Variants in FSTL5 observed in about 807,000 individuals in gnomAD.
The protein encoded by FSTL5 is follistatin-related protein 5.
A neutral mutation model predicts 89.1 loss-of-function variants in FSTL5; 62 were observed. The observed-to-expected ratio is 0.70, with a 90% CI of 0.57 to 0.86. The LOEUF is 0.86. Among genes scored for constraint, FSTL5 ranks in the 40% least tolerant of loss-of-function variants. The pLI, the probability that FSTL5 is intolerant of heterozygous loss-of-function variation, is 0.00. For synonymous variants in FSTL5, 383 were observed against 346.2 expected, an observed-to-expected ratio of 1.11 and a Z score of -1.18; for missense variants, 1,057 against 1,001.6, an observed-to-expected ratio of 1.06 and a Z score of -0.75.
intron 6 of FSTL5, among the ~76,000 whole-genome samples, chr4:161,746,110 A>G (rs927957837): frequency 6.6e-6 from 1 of 152,016 alleles, no homozygotes; most frequent in African/African-American, 2.4e-5. Flanking sequence ...GCTACAATAC[A>G]TTGTTAAATA....
At chr4:162,074,378 T>A (rs1405503481) in intron 2 of FSTL5, among the ~76,000 whole-genome samples, 1 of 151,722 alleles carries the variant, frequency 6.6e-6, no homozygotes, top group Non-Finnish European at 1.5e-5. Context: ...CTTCCTAAAT[T>A]TTTTGGTTTT....
intron 4 of FSTL5, among the ~76,000 whole-genome samples, chr4:161,819,766 T>C (rs189868772): frequency 3.3e-5 from 5 of 152,194 alleles, no homozygotes; most frequent in Non-Finnish European, 7.4e-5. Flanking sequence ...ATAAATAGCA[T>C]ATTCTAATAA....
At chr4:162,108,427 T>C (rs923647054) in intron 2 of FSTL5, among the ~76,000 whole-genome samples, 2 of 152,060 alleles carry the variant, frequency 1.3e-5, no homozygotes, top group Admixed American at 6.6e-5. Context: ...ATATATCTCT[T>C]TGTTCAGATT....
intron 4 of FSTL5, among the ~76,000 whole-genome samples, chr4:161,870,599 CAAT>C (rs1171199742): frequency 6.6e-6 from 1 of 152,076 alleles, no homozygotes; most frequent in Non-Finnish European, 1.5e-5. Flanking sequence ...ACTTAGCACT[CAAT>C]AAATTCTTAA....
chr4:161,683,741 A>T (rs1162739507), intron 6 of FSTL5, among the ~76,000 whole-genome samples: 4 of 152,248 alleles, frequency 2.6e-5, no homozygotes, highest in Non-Finnish European at 5.9e-5. Context: ...GTAACTTTTT[A>T]AAATTAATTA....
At chr4:161,828,994 A>G (rs1478200628) in intron 4 of FSTL5, among the ~76,000 whole-genome samples, 1 of 151,870 alleles carries the variant, frequency 6.6e-6, no homozygotes, top group Non-Finnish European at 1.5e-5. Flanking sequence ...ACCAAGTCTC[A>G]GGTTAAGAAT....
At chr4:161,451,492 G>A (rs1733161805) in intron 15 of FSTL5, among the ~76,000 whole-genome samples, 1 of 152,156 alleles carries the variant, frequency 6.6e-6, no homozygotes, top group South Asian at 2.1e-4. Context: ...TCAACAGGGA[G>A]CCAGTTTCCC....
intron 2 of FSTL5, among the ~76,000 whole-genome samples, chr4:162,102,571 A>G (rs1045105001): frequency 6.8e-6 from 1 of 146,298 alleles, no homozygotes. Flanking sequence ...ATATTATAAT[A>G]TTTATATATA....
chr4:161,752,830 T>C (rs1740443707), intron 6 of FSTL5, among the ~76,000 whole-genome samples: 1 of 152,122 alleles, frequency 6.6e-6, no homozygotes, highest in Non-Finnish European at 1.5e-5. Flanking sequence ...TTAGGGTGGG[T>C]CCTAATCTGA....
chr4:162,081,602 G>A (rs1428378522), intron 2 of FSTL5, among the ~76,000 whole-genome samples: 1 of 151,652 alleles, frequency 6.6e-6, no homozygotes, highest in African/African-American at 2.4e-5. Flanking sequence ...AAAATGGTTA[G>A]TGTATTCCTT....
chr4:161,739,816 G>T (rs1214017082), intron 6 of FSTL5, among the ~76,000 whole-genome samples: 1 of 150,594 alleles, frequency 6.6e-6, no homozygotes, highest in Non-Finnish European at 1.5e-5. Context: ...GAATACACTT[G>T]TTTTTAAAAC....
chr4:161,568,915 A>G (rs1732908961), intron 8 of FSTL5, among the ~76,000 whole-genome samples: 1 of 152,166 alleles, frequency 6.6e-6, no homozygotes, highest in Admixed American at 6.6e-5. Flanking sequence ...TACTGTCTTT[A>G]GTTATATAGA....
At chr4:161,986,079 T>G (rs2111062422) in intron 3 of FSTL5, among the ~76,000 whole-genome samples, 1 of 152,250 alleles carries the variant, frequency 6.6e-6, no homozygotes, top group South Asian at 2.1e-4. Flanking sequence ...TCCTCCTATG[T>G]TCCCACAGAC....
intron 2 of FSTL5, among the ~76,000 whole-genome samples, chr4:162,087,438 G>A (rs1730364914): frequency 2.0e-5 from 3 of 152,166 alleles, no homozygotes; most frequent in Admixed American, 2.0e-4. Context: ...GGAAAGAGGA[G>A]AAAATGTACA....
intron 3 of FSTL5, among the ~76,000 whole-genome samples, chr4:161,969,390 T>C (rs1238639717): frequency 6.6e-6 from 1 of 152,096 alleles, no homozygotes; most frequent in Non-Finnish European, 1.5e-5. Context: ...ATTAAGACAA[T>C]ATAGGCGAGA....
chr4:162,006,945 T>A (rs997015210), intron 3 of FSTL5, among the ~76,000 whole-genome samples: 1 of 151,864 alleles, frequency 6.6e-6, no homozygotes, highest in African/African-American at 2.4e-5. Flanking sequence ...AAAAAATAGA[T>A]GCACAAGGCA....
rs918436797 is a variant in FSTL5 at position 161,998,880 on chromosome 4, A to G, written c.160+34745T>C. Among the ~76,000 whole-genome samples, 10 of 151,640 alleles carry G rather than the reference A, an allele frequency of 6.6e-5. No homozygotes were observed. In the East Asian group the frequency reaches 1.9e-3, roughly 29 times the overall value. ...ACAACACACACACACACACACACACACACACACACACACGAGTCAGGTTGG... is the reference window on the plus strand; with the variant it reads ...ACAACACACACACACACACACACACGCACACACACACACGAGTCAGGTTGG... On this transcript the variant is annotated intron_variant, in intron 3 of 15. Transcript: ENST00000306100.
At chr4:162,080,069 A>G (rs116206512) in intron 2 of FSTL5, among the ~76,000 whole-genome samples, 1 of 151,512 alleles carries the variant, frequency 6.6e-6, no homozygotes, top group Non-Finnish European at 1.5e-5. Context: ...CCCCAGAATG[A>G]TATTTTTTGT....
At chr4:161,948,292 GAA>G (rs34074683) in intron 3 of FSTL5, among the ~76,000 whole-genome samples, 55,900 of 113,574 alleles carry the variant, frequency 0.49, 13,362 homozygotes, top group Non-Finnish European at 0.6. Flanking sequence ...CTAAAGAAAT[GAA>G]AAAAAAAAAA....
Sources: gnomAD v4.1 joint callset for allele counts (sites outside exome capture counted in the v4.1 genomes callset) on GRCh38, gnomAD v4.1.1 for gene constraint, MANE v1.5 for transcripts, NCBI Gene and HGNC (gene_info 2026-07-23, HGNC 2026-07-21) for gene names.